NRXN3: variants seen among roughly 807,000 people sequenced by gnomAD.
NRXN3 encodes the protein neurexin III.
NRXN3 carries 32 observed loss-of-function variants against 137.6 expected under a neutral mutation model. The observed-to-expected ratio is 0.23, with a 90% CI of 0.18 to 0.31. The LOEUF (loss-of-function observed/expected upper bound fraction) is 0.31, where lower values mean the gene tolerates loss of function less well. NRXN3 is among the 10% of genes least tolerant of loss of function. NRXN3 has a pLI of 1.00. For missense variants in NRXN3, 1,574 were observed against 2,062.5 expected (o/e 0.76, Z 4.59); for synonymous variants, 798 against 784.5 (o/e 1.02, Z -0.29).
At chr14:79,808,776 G>C (rs895378231) in intron 20 of NRXN3, among the ~76,000 whole-genome samples, 1 of 151,990 alleles carries the variant, frequency 6.6e-6, no homozygotes, top group Admixed American at 6.6e-5. Flanking sequence ...TTTCATATGA[G>C]CATCAAATTT....
chr14:79,023,775 G>A (rs908553952), intron 15 of NRXN3, among the ~76,000 whole-genome samples: 3 of 151,850 alleles, frequency 2.0e-5, no homozygotes, highest in African/African-American at 7.3e-5. Context: ...GAACAGCATG[G>A]GGTAACTGGC....
intron 15 of NRXN3, among the ~76,000 whole-genome samples, chr14:79,118,574 A>G (rs375508756): frequency 1.3e-5 from 2 of 152,244 alleles, no homozygotes; most frequent in African/African-American, 4.8e-5. Context: ...CCGTGGCAAC[A>G]TGCAGGCAAG....
chr14:79,049,648 G>A (rs2099639051), intron 15 of NRXN3, among the ~76,000 whole-genome samples: 1 of 152,106 alleles, frequency 6.6e-6, no homozygotes, highest in Admixed American at 6.5e-5. Flanking sequence ...ATATCCAACA[G>A]AGGAATCACT....
intron 15 of NRXN3, among the ~76,000 whole-genome samples, chr14:79,391,680 C>T (rs1208887967): frequency 1.3e-5 from 2 of 152,158 alleles, no homozygotes; most frequent in African/African-American, 4.8e-5. Context: ...TGGCCAAATA[C>T]ATTGGGACTT....
chr14:78,307,231 C>A (rs555216016), intron 4 of NRXN3, among the ~76,000 whole-genome samples: 7 of 151,744 alleles, frequency 4.6e-5, no homozygotes, highest in Non-Finnish European at 8.8e-5. Context: ...TATATACCCA[C>A]ATAAATACCA....
At chr14:79,508,363 T>A (rs1257748524) in intron 16 of NRXN3, among the ~76,000 whole-genome samples, 1 of 140,824 alleles carries the variant, frequency 7.1e-6, no homozygotes, top group Non-Finnish European at 1.6e-5. Flanking sequence ...TTTTTATAAC[T>A]GAATTTTCTT....
intron 1 of NRXN3, among the ~76,000 whole-genome samples, chr14:78,219,042 C>A (rs1340556805): frequency 1.3e-5 from 2 of 152,082 alleles, no homozygotes; most frequent in Non-Finnish European, 2.9e-5. Flanking sequence ...ATAAGGACAC[C>A]AGTTAGATTG....
intron 4 of NRXN3, among the ~76,000 whole-genome samples, chr14:78,460,478 A>G (rs72681562): frequency 0.1 from 15,908 of 152,230 alleles, 1,106 homozygotes; most frequent in African/African-American, 0.19. Context: ...AAAAGACACT[A>G]TGGCGATTCC....
intron 16 of NRXN3, among the ~76,000 whole-genome samples, chr14:79,574,777 G>A (rs539557614): frequency 6.6e-6 from 1 of 152,098 alleles, no homozygotes; most frequent in Non-Finnish European, 1.5e-5. Flanking sequence ...ATTTGCTAAA[G>A]ATTTTGCAGA....
At chr14:78,309,462 C>T (rs1323676304) in intron 4 of NRXN3, among the ~76,000 whole-genome samples, 1 of 151,860 alleles carries the variant, frequency 6.6e-6, no homozygotes, top group Non-Finnish European at 1.5e-5. Flanking sequence ...CTCCATCCTC[C>T]ACCCTCAAGT....
chr14:78,211,772 C>A (rs772058461), intron 1 of NRXN3, among the ~76,000 whole-genome samples: 5 of 152,174 alleles, frequency 3.3e-5, no homozygotes, highest in Non-Finnish European at 7.3e-5. Context: ...AGAGGGAGGG[C>A]AGACAGGGTC....
chr14:78,352,300 C>T lies in NRXN3; in HGVS notation c.757+54440C>T, dbSNP rs150373059. ...TGTTGAACAATCCATCCCTTGCTCA[C>T]TAACTTACAGTGCTCTTTTCACTAT... On this transcript the variant is annotated intron_variant, in intron 4 of 20. Coordinates refer to ENST00000335750, the MANE Select transcript of NRXN3 (RefSeq NM_001330195.2). Among the ~76,000 whole-genome samples the T allele has an allele frequency of 9.7e-4, 148 of 152,300 alleles. 1 individual carries two copies. The highest frequency in any genetic ancestry group is 3.5e-3 in the African/African-American group (144 of 41,568).
intron 4 of NRXN3, among the ~76,000 whole-genome samples, chr14:78,593,361 G>A (rs1364800259): frequency 1.3e-5 from 2 of 152,190 alleles, no homozygotes; most frequent in Non-Finnish European, 2.9e-5. Context: ...TGAGCATGGA[G>A]GCCTTCTGAG....
intron 15 of NRXN3, among the ~76,000 whole-genome samples, chr14:79,461,777 T>A (rs920082321): frequency 6.6e-5 from 10 of 152,326 alleles, no homozygotes; most frequent in African/African-American, 2.4e-4. Flanking sequence ...CAAAAGGATT[T>A]ACCAGTTTAT....
intron 14 of NRXN3, among the ~76,000 whole-genome samples, chr14:78,977,574 C>T (rs1018757609): frequency 6.6e-6 from 1 of 152,068 alleles, no homozygotes; most frequent in Non-Finnish European, 1.5e-5. Flanking sequence ...ACCCAGGCAT[C>T]CCATGAAAAT....
At chr14:79,006,065 T>C (rs1437130416) in intron 15 of NRXN3, among the ~76,000 whole-genome samples, 1 of 152,192 alleles carries the variant, frequency 6.6e-6, no homozygotes, top group African/African-American at 2.4e-5. Context: ...CTGGGAGTTT[T>C]TGAGCAAGTG....
At chr14:79,144,258 G>A (rs1018109967) in intron 15 of NRXN3, among the ~76,000 whole-genome samples, 2 of 152,138 alleles carry the variant, frequency 1.3e-5, no homozygotes, top group Admixed American at 1.3e-4. Flanking sequence ...TACAATGGCT[G>A]GCCAAATTCA....
chr14:78,407,889 T>C (rs1010774252), intron 4 of NRXN3, among the ~76,000 whole-genome samples: 2 of 152,194 alleles, frequency 1.3e-5, no homozygotes, highest in African/African-American at 4.8e-5. Flanking sequence ...ATTGCTGCTT[T>C]ACTGTGCATG....
rs983609462 is a variant in NRXN3, at chr14:79,863,133, A to T, written c.*1169A>T. 8.5e-5 allele frequency: 13 copies of T among 152,672 alleles called. No homozygotes were observed. Among genetic ancestry groups the T allele is most frequent in the South Asian group, 6.2e-4 (3 of 4,830 alleles). 9.5% of individuals were successfully genotyped at this position (152,672 alleles called of 1,614,324 possible). A position where few individuals can be genotyped will look rare whatever the true frequency, so the allele number is the denominator to read the frequency against. ...TGTCATGCCAGAGTACAAAACACAT[A>T]GTTCTTTCCCCGCCCCGAATGTGAC... On this transcript the variant is annotated 3_prime_UTR_variant, in exon 21 of 21. Coordinates refer to ENST00000335750, the MANE Select transcript of NRXN3 (RefSeq NM_001330195.2).
Sources: allele counts gnomAD v4.1 joint callset (sites outside exome capture counted in the v4.1 genomes callset), GRCh38; gene constraint gnomAD v4.1.1; transcripts MANE v1.5; gene names NCBI Gene and HGNC (gene_info 2026-07-23, HGNC 2026-07-21).